The following OR4E2 variants were observed in gnomAD, a reference collection of about 807,000 sequenced individuals.
OR4E2 encodes olfactory receptor family 4 subfamily E member 2, also known as olfactory receptor 4E2.
In OR4E2, 9 loss-of-function variants were observed where a neutral mutation model predicts 11.0. The ratio of observed to expected loss-of-function variants is 0.82; its 90% CI spans 0.49 to 1.43. OR4E2 has a LOEUF of 1.43. OR4E2 is among the 40% of genes most tolerant of loss of function. The pLI, the probability that OR4E2 is intolerant of heterozygous loss-of-function variation, is 0.00. For synonymous variants in OR4E2, 159 were observed against 147.3 expected (o/e 1.08, Z -0.57); for missense variants, 441 against 382.0 (o/e 1.15, Z -1.29).
Position 21,665,451 on chromosome 14 carries a change from C to A in OR4E2, c.369C>A (p.Tyr123Ter), listed in dbSNP as rs749876039. The change falls in exon 4 of 4, where the codon TAC becomes TAA. Residue 123 changes from tyrosine (Y) to a stop codon, truncating the protein, a stop_gained. Transcript: ENST00000641524. LOFTEE classifies it high-confidence loss of function. ...TGATCATTATGGCGTATGATCGTTA[C>A]GTGGCTATCTGCACTCCACTCCACT... ...FLLIIMAYDR[Y>*]VAICTPLHYP... 1 of 1,613,974 alleles carries A rather than the reference C, an allele frequency of 6.2e-7. No homozygotes were observed. The highest frequency in any genetic ancestry group is 8.5e-7 in the Non-Finnish European group (1 of 1,179,944).
chr14:21,665,172 A>G lies in OR4E2; in HGVS notation c.90A>G (p.Ala30=), dbSNP rs1880561049. The G allele has an allele frequency of 6.2e-7, 1 of 1,613,808 alleles. No individual in the cohort carries two copies. Among genetic ancestry groups the G allele is most frequent in the Middle Eastern group, 1.7e-4 (1 of 6,060 alleles). ...NRVLEMLFFM[A]FSAIYMLTLS... ...TGCTGGAAATGCTGTTTTTCATGGCATTCTCAGCCATTTATATGCTAACGC... is the reference window on the plus strand; with the variant it reads ...TGCTGGAAATGCTGTTTTTCATGGCGTTCTCAGCCATTTATATGCTAACGC... Residue 30 remains alanine, a synonymous_variant, in exon 4 of 4, where the codon GCA becomes GCG. Coordinates refer to ENST00000641524, the MANE Select transcript of OR4E2 (RefSeq NM_001001912.3).
rs765148960 is a variant in OR4E2, at chr14:21,665,482, A to G, written c.400A>G (p.Asn134Asp). The G allele has an allele frequency of 3.7e-6, 6 of 1,613,994 alleles. No homozygotes were observed. The highest frequency in any genetic ancestry group is 1.1e-5 in the South Asian group (1 of 91,076). ...VAICTPLHYP[N>D]VMNMRVCIQL... is the part of the protein sequence containing the mutation. ...TATCTGCACTCCACTCCACTACCCC[A>G]ATGTGATGAACATGAGAGTCTGTAT... The change falls in exon 4 of 4, where the codon AAT (asparagine) becomes GAT (aspartate). Residue 134 changes from asparagine (N) to aspartate (D), a missense_variant. Transcript: ENST00000641524.
At chr14:21,662,426 TGA>T (rs1880381744) in intron 3 of OR4E2, among the ~76,000 whole-genome samples, 6 of 151,966 alleles carry the variant, frequency 3.9e-5, no homozygotes, top group South Asian at 2.1e-4. Flanking sequence ...CTCAGCCTCC[TGA>T]GTAGCTGGGA....
rs1187527780 is a variant in OR4E2, at chr14:21,665,560, A to C, written c.478A>C (p.Thr160Pro). The change falls in exon 4 of 4, where the codon ACC becomes CCC. Residue 160 changes from threonine to proline, a missense_variant. Coordinates refer to ENST00000641524, the MANE Select transcript of OR4E2 (RefSeq NM_001001912.3). Reference sequence around the variant, plus strand: ...GGGTACTGTTCACTCACTAGGGCAGACCTTCTTGACTATTCGTCTACCTTA... The same window carrying C: ...GGGTACTGTTCACTCACTAGGGCAGCCCTTCTTGACTATTCGTCTACCTTA... ...LGGTVHSLGQ[T>P]FLTIRLPYCG... The C allele has an allele frequency of 1.2e-6, 2 of 1,613,946 alleles. No individual in the cohort carries two copies. The highest frequency in any genetic ancestry group is 2.7e-5 in the African/African-American group (2 of 74,884).
chr14:21,659,537 A>G (rs35752372), intron 2 of OR4E2, among the ~76,000 whole-genome samples: 13,386 of 152,160 alleles, frequency 0.088, 704 homozygotes, highest in Middle Eastern at 0.13. Context: ...GCTCTGAAAA[A>G]TTCAAATTCC....
At chr14:21,662,097 CA>C (rs1223926705) in intron 3 of OR4E2, among the ~76,000 whole-genome samples, 3 of 151,758 alleles carry the variant, frequency 2.0e-5, no homozygotes, top group African/African-American at 7.3e-5. Flanking sequence ...TATTTTTATT[CA>C]TACTTATTTG....
intron 2 of OR4E2, among the ~76,000 whole-genome samples, chr14:21,660,118 G>C: frequency 6.6e-6 from 1 of 152,138 alleles, no homozygotes; most frequent in African/African-American, 2.4e-5. Flanking sequence ...CCATGGACTG[G>C]GGGTGGGGGC....
At chr14:21,656,174 CAA>C (rs11357838) in intron 1 of OR4E2, among the ~76,000 whole-genome samples, 11 of 144,220 alleles carry the variant, frequency 7.6e-5, no homozygotes, top group African/African-American at 1.0e-4. Flanking sequence ...AACAAACAAC[CAA>C]AAAAAAAAAA....
chr14:21,657,440 T>TTTCCTTCC lies in OR4E2; in HGVS notation c.-103+911_-103+918dup, dbSNP rs555201549. 7.1e-3 allele frequency among the ~76,000 whole-genome samples: 539 copies of TTTCCTTCC among 76,340 alleles called. 4 individuals carry two copies. Among genetic ancestry groups the TTTCCTTCC allele is most frequent in the Middle Eastern group, 8.2e-3 (1 of 122 alleles). 50.1% of individuals were successfully genotyped at this position (76,340 alleles called of 152,430 possible). Reference sequence around the variant, plus strand: ...TTTCTTTCTCTTTCTTTCTTCTTTCTTTCCTTCCTTCCTTCCTTCCTTCCT... The same window carrying TTTCCTTCC: ...TTTCTTTCTCTTTCTTTCTTCTTTCTTTCCTTCCTTCCTTCCTTCCTTCCTTCCTTCCT... On this transcript the variant is annotated intron_variant, in intron 2 of 3. Transcript: ENST00000641524.
At chr14:21,655,549 T>G (rs1879893472) in intron 1 of OR4E2, among the ~76,000 whole-genome samples, 1 of 152,090 alleles carries the variant, frequency 6.6e-6, no homozygotes, top group South Asian at 2.1e-4. Context: ...GGCATGTGCT[T>G]GTAGTCCCAG....
At chr14:21,658,543 G>T (rs1880140228) in intron 2 of OR4E2, among the ~76,000 whole-genome samples, 1 of 152,164 alleles carries the variant, frequency 6.6e-6, no homozygotes, top group African/African-American at 2.4e-5. Flanking sequence ...AGAGAGATCA[G>T]GTAGAAACAG....
chr14:21,655,488 G>A (rs1282012763), intron 1 of OR4E2, among the ~76,000 whole-genome samples: 1 of 152,042 alleles, frequency 6.6e-6, no homozygotes, highest in African/African-American at 2.4e-5. Flanking sequence ...AACATAGTGA[G>A]AACTTGTCTC....
chr14:21,664,618 A>G, intron 3 of OR4E2, among the ~76,000 whole-genome samples: 1 of 152,188 alleles, frequency 6.6e-6, no homozygotes, highest in East Asian at 1.9e-4. Context: ...TAGGGAGAAT[A>G]AAAGGACACT....
At chr14:21,657,445 TTCCTTCCTTCCTTCCTTCCTTCC>T (rs1566582012) in intron 2 of OR4E2, among the ~76,000 whole-genome samples, 118 of 3,588 alleles carry the variant, frequency 0.033, no homozygotes, top group African/African-American at 0.085. Context: ...CTTTCTTTCC[TTCCTTCCTTCCTTCCTTCCTTCC>T]TTCCTTCCTT....
chr14:21,656,810 A>G (rs1241420021), intron 2 of OR4E2, among the ~76,000 whole-genome samples: 1 of 152,174 alleles, frequency 6.6e-6, no homozygotes, highest in Admixed American at 6.5e-5. Flanking sequence ...GTTGCTGCCT[A>G]TGAAGGCACC....
rs193176078 is a variant in OR4E2, at chr14:21,665,249, A to G, written c.167A>G (p.His56Arg). ...GCCACAGTCTTTACTCCAAGTCTCCATACCCCCATGTATTTCTTCCTGAGC... is the reference window on the plus strand; with the variant it reads ...GCCACAGTCTTTACTCCAAGTCTCCGTACCCCCATGTATTTCTTCCTGAGC... ...IIATVFTPSLHTPMYFFLSNL... is the reference protein window; with the variant it reads ...IIATVFTPSLRTPMYFFLSNL... The change falls in exon 4 of 4, where the codon CAT becomes CGT. Residue 56 changes from histidine (H) to arginine (R), a missense_variant. Physicochemically the swap from His to Arg is conservative, Grantham distance 29. Transcript: ENST00000641524. The G allele has an allele frequency of 3.2e-3, 5,191 of 1,614,022 alleles. 15 individuals are homozygous for G. The highest frequency in any genetic ancestry group is 4.1e-3 in the Non-Finnish European group (4,879 of 1,179,922).
chr14:21,657,613 G>A (rs942356531), intron 2 of OR4E2, among the ~76,000 whole-genome samples: 20 of 131,250 alleles, frequency 1.5e-4, no homozygotes, highest in Admixed American at 2.5e-4. Flanking sequence ...TTTTTTTAAC[G>A]GAGTTTTGCT....
At position 21,665,392 on chromosome 14, in the gene OR4E2, C is replaced by A; in HGVS notation, c.310C>A (p.Leu104Ile). ...FDNCITQLFF[L>I]HLFACAEIFL... ...CAACTGCATCACACAGCTCTTCTTC[C>A]TACATCTCTTTGCCTGTGCCGAGAT... Residue 104 changes from leucine to isoleucine, a missense_variant, in exon 4 of 4, where the codon CTA becomes ATA. Physicochemically the swap from Leu to Ile is conservative, Grantham distance 5 (BLOSUM62 2). Coordinates refer to ENST00000641524, the MANE Select transcript of OR4E2 (RefSeq NM_001001912.3). 6.2e-7 allele frequency: 1 copy of A among 1,614,088 alleles called. No homozygotes were observed. The highest frequency in any genetic ancestry group is 1.1e-5 in the South Asian group (1 of 91,066).
intron 1 of OR4E2, among the ~76,000 whole-genome samples, chr14:21,655,576 AG>A (rs1017585229): frequency 6.6e-6 from 1 of 152,142 alleles, no homozygotes; most frequent in Non-Finnish European, 1.5e-5. Flanking sequence ...GGAACGCTGA[AG>A]TGGGAGGATT....
Sources: allele counts gnomAD v4.1 joint callset (sites outside exome capture counted in the v4.1 genomes callset), GRCh38; gene constraint gnomAD v4.1.1; transcripts MANE v1.5; gene names NCBI Gene and HGNC (gene_info 2026-07-23, HGNC 2026-07-21).